The following TLR6 variants were observed in gnomAD, a reference collection of about 807,000 sequenced individuals.
TLR6 encodes toll-like receptor 6.
Under a neutral mutation model 16.1 loss-of-function variants are expected in TLR6, and 9 were observed. The observed-to-expected ratio is 0.56, with a 90% confidence interval of 0.34 to 0.98. The LOEUF is 0.98. Ranked by LOEUF, TLR6 falls within the 50% of genes least tolerant of loss-of-function variation. TLR6 has a pLI of 0.02. For missense variants in TLR6, 786 were observed against 921.0 expected, an observed-to-expected ratio of 0.85 and a Z score of 1.90; for synonymous variants, 340 against 338.6, an observed-to-expected ratio of 1.00 and a Z score of -0.04.
chr4:38,837,043 G>T (rs1179280052), intron 1 of TLR6, among the ~76,000 whole-genome samples: 2 of 151,514 alleles, frequency 1.3e-5, no homozygotes, highest in South Asian at 2.1e-4. Context: ...AAGGCAAAAG[G>T]CCCCTACAAC....
At chr4:38,829,069 G>C (rs1245678037) in exon 2 of TLR6, 2 of 1,614,098 alleles carry the variant, frequency 1.2e-6, no homozygotes, top group Non-Finnish European at 1.7e-6. Flanking sequence ...AGATGGGCAG[G>C]GCCTTGAAAT....
At chr4:38,831,469 T>G (rs1711578528) in intron 1 of TLR6, among the ~76,000 whole-genome samples, 1 of 152,180 alleles carries the variant, frequency 6.6e-6, no homozygotes, top group Admixed American at 6.5e-5. Context: ...ACTTTTGAGA[T>G]ACGCATCAAA....
chr4:38,832,501 G>A (rs184952143), intron 1 of TLR6, among the ~76,000 whole-genome samples: 8 of 152,290 alleles, frequency 5.3e-5, no homozygotes, highest in African/African-American at 1.9e-4. Flanking sequence ...CACATGCCCT[G>A]GGGCTGTCTG....
chr4:38,859,391 T>A (rs553493040), upstream of TLR6, among the ~76,000 whole-genome samples: 3 of 152,192 alleles, frequency 2.0e-5, no homozygotes, highest in East Asian at 5.8e-4. Context: ...GAGAATGAAT[T>A]TTTGTTGTTT....
At chr4:38,827,359 G>C (rs374936755) in exon 2 of TLR6, 2 of 1,614,064 alleles carry the variant, frequency 1.2e-6, no homozygotes, top group African/African-American at 2.7e-5. Context: ...TCTGGACAAA[G>C]TTGGGAGACA....
chr4:38,842,656 G>A (rs1292268474), intron 1 of TLR6, among the ~76,000 whole-genome samples: 1 of 152,232 alleles, frequency 6.6e-6, no homozygotes, highest in African/African-American at 2.4e-5. Context: ...ATGCCTCTGT[G>A]TGCCAGCACA....
At position 38,828,855 on chromosome 4, in the gene TLR6, T is replaced by C. The variant is rs146756090; in HGVS notation, c.619A>G (p.Ser207Gly). Residue 207 changes from serine to glycine, a missense_variant, in exon 2 of 2, where the codon AGT becomes GGT. By Grantham distance (56) the Ser-to-Gly change is moderately conservative (BLOSUM62 0). Transcript: ENST00000436693. ...ATGTTCACTTGGATAGCGAATAAAC[T>C]AGTTGGGTGAAAAACAAGGTGAAGG... 6.4e-5 allele frequency: 104 copies of C among 1,613,960 alleles called. No homozygotes were observed. The East Asian group carries it at 2.1e-3, about 32-fold the overall frequency.
intron 1 of TLR6, among the ~76,000 whole-genome samples, chr4:38,849,199 A>C (rs1712666464): frequency 6.6e-6 from 1 of 152,208 alleles, no homozygotes; most frequent in Admixed American, 6.5e-5. Context: ...GTGAAGGAGA[A>C]ATAAAATCCT....
At chr4:38,840,515 T>C (rs1665330987) in intron 1 of TLR6, among the ~76,000 whole-genome samples, 1 of 151,666 alleles carries the variant, frequency 6.6e-6, no homozygotes. Flanking sequence ...GTTCCTGTAA[T>C]CCCAGCTACT....
rs527982907 is a variant in TLR6, at chr4:38,853,730, C to T, written c.-65+3031G>A. Reference sequence around the variant, plus strand: ...GCCATCCTCTCACCTCAGCCTCCCACGGAGCTGGGGTTACAGGTACAAGCC... The same window carrying T: ...GCCATCCTCTCACCTCAGCCTCCCATGGAGCTGGGGTTACAGGTACAAGCC... On this transcript the variant is annotated intron_variant, in intron 1 of 1. Coordinates refer to ENST00000436693, the Ensembl canonical transcript of TLR6. Among the ~76,000 whole-genome samples the T allele has an allele frequency of 3.3e-5, 5 of 152,296 alleles. No individual in the cohort carries two copies. The South Asian group carries it at 8.3e-4, about 25-fold the overall frequency.
chr4:38,861,381 A>G (rs1359544452), upstream of TLR6, among the ~76,000 whole-genome samples: 1 of 152,028 alleles, frequency 6.6e-6, no homozygotes, highest in Non-Finnish European at 1.5e-5. Flanking sequence ...ATTATTAGCA[A>G]TGGCTGCACC....
At chr4:38,855,595 A>G (rs985135373) in intron 1 of TLR6, among the ~76,000 whole-genome samples, 1 of 152,184 alleles carries the variant, frequency 6.6e-6, no homozygotes, top group Non-Finnish European at 1.5e-5. Flanking sequence ...ATGAGGACCT[A>G]CCCTACAGGT....
intron 1 of TLR6, among the ~76,000 whole-genome samples, chr4:38,850,954 T>C (rs1579259910): frequency 1.3e-5 from 2 of 152,312 alleles, no homozygotes; most frequent in Admixed American, 1.3e-4. Flanking sequence ...CCAATATCCC[T>C]GATGAACATT....
chr4:38,860,906 A>G (rs982689259), upstream of TLR6, among the ~76,000 whole-genome samples: 3 of 152,148 alleles, frequency 2.0e-5, no homozygotes, highest in African/African-American at 7.2e-5. Context: ...TGCTGATGTA[A>G]GTGGTCTGGG....
At chr4:38,829,583 C>G in intron 1 of TLR6, 46 bp from the exon 2 acceptor site, 1 of 661,944 alleles carries the variant, frequency 1.5e-6, no homozygotes, top group Non-Finnish European at 2.6e-6. Flanking sequence ...CGGATGGTTA[C>G]TCTCAAACCT....
At chr4:38,833,783 G>GATAAATA (rs1711753589) in intron 1 of TLR6, among the ~76,000 whole-genome samples, 1 of 152,082 alleles carries the variant, frequency 6.6e-6, no homozygotes, top group South Asian at 2.1e-4. Context: ...AGAGAGCATA[G>GATAAATA]ATAAATAATA....
intron 1 of TLR6, among the ~76,000 whole-genome samples, chr4:38,847,301 G>A (rs962619680): frequency 6.6e-6 from 1 of 152,250 alleles, no homozygotes; most frequent in African/African-American, 2.4e-5. Flanking sequence ...ACATTAGGGG[G>A]GGTGGTTCCA....
At chr4:38,859,064 T>C (rs1359748613), upstream of TLR6, among the ~76,000 whole-genome samples, 2 of 152,190 alleles carry the variant, frequency 1.3e-5, no homozygotes, top group African/African-American at 4.8e-5. Context: ...TACTGTCACG[T>C]CATCTCCACT....
At chr4:38,847,869 C>G (rs375524256) in intron 1 of TLR6, among the ~76,000 whole-genome samples, 1 of 152,174 alleles carries the variant, frequency 6.6e-6, no homozygotes. Context: ...AGGGCATAGC[C>G]CAACAAAAGG....
Sources: allele counts gnomAD v4.1 joint callset (sites outside exome capture counted in the v4.1 genomes callset), GRCh38; gene constraint gnomAD v4.1.1; transcripts MANE v1.5; gene names NCBI Gene and HGNC (gene_info 2026-07-23, HGNC 2026-07-21).